The following RAB23 variants were observed in gnomAD, a reference collection of about 807,000 sequenced individuals.
RAB23 encodes ras-related protein Rab-23.
Under a neutral mutation model 30.0 loss-of-function variants are expected in RAB23, and 15 were observed. That is an observed-to-expected ratio of 0.50 (90% CI 0.33 to 0.77). The LOEUF (loss-of-function observed/expected upper bound fraction) is 0.77. RAB23 is among the 30% of genes least tolerant of loss of function. The pLI is 0.02. For synonymous variants in RAB23, 93 were observed against 94.0 expected, an observed-to-expected ratio of 0.99 and a Z score of 0.06; for missense variants, 243 against 275.4, an observed-to-expected ratio of 0.88 and a Z score of 0.83.
intron 1 of RAB23, among the ~76,000 whole-genome samples, chr6:57,217,468 T>C (rs1283681678): frequency 1.3e-5 from 2 of 152,110 alleles, no homozygotes; most frequent in South Asian, 4.2e-4. Flanking sequence ...ATCACCATGC[T>C]GGGCTAATTT....
At chr6:57,191,710 G>A (rs758250679) in intron 6 of RAB23, among the ~76,000 whole-genome samples, 1 of 152,124 alleles carries the variant, frequency 6.6e-6, no homozygotes, top group African/African-American at 2.4e-5. Context: ...TGGGATTAGA[G>A]GTGTGCTAGG....
chr6:57,204,971 T>C (rs1443716341), intron 3 of RAB23, among the ~76,000 whole-genome samples: 1 of 151,748 alleles, frequency 6.6e-6, no homozygotes, highest in Non-Finnish European at 1.5e-5. Flanking sequence ...TATATACACA[T>C]ACACATACAT....
chr6:57,219,886 A>G (rs930646453), intron 1 of RAB23, among the ~76,000 whole-genome samples: 2 of 152,230 alleles, frequency 1.3e-5, no homozygotes, highest in Non-Finnish European at 2.9e-5. Flanking sequence ...GTTTTTAGAC[A>G]TGACACCAGA....
At chr6:57,211,797 A>G (rs1451194305) in intron 1 of RAB23, among the ~76,000 whole-genome samples, 2 of 152,240 alleles carry the variant, frequency 1.3e-5, no homozygotes, top group East Asian at 1.9e-4. Context: ...AAAAGAACAG[A>G]AAGTCAATTT....
chr6:57,198,159 G>C (rs1765098008), intron 3 of RAB23, among the ~76,000 whole-genome samples: 1 of 152,054 alleles, frequency 6.6e-6, no homozygotes, highest in Non-Finnish European at 1.5e-5. Flanking sequence ...GACCTTCTCA[G>C]AATTTAAGGG....
At chr6:57,212,955 G>A (rs960829730) in intron 1 of RAB23, among the ~76,000 whole-genome samples, 1 of 151,938 alleles carries the variant, frequency 6.6e-6, no homozygotes, top group African/African-American at 2.4e-5. Context: ...ACGATCAGAT[G>A]GTCTAGGGCA....
At position 57,190,394 on chromosome 6, in the gene RAB23, A is replaced by G. The variant is rs1234310445; in HGVS notation, c.*67T>C. 4 of 1,575,626 alleles carry G rather than the reference A, an allele frequency of 2.5e-6. No homozygotes were observed. Among genetic ancestry groups the G allele is most frequent in the Non-Finnish European group, 3.5e-6 (4 of 1,147,034 alleles). On this transcript the variant is annotated 3_prime_UTR_variant, in exon 7 of 7. Transcript: ENST00000468148. ...TCTGCTGAAAACCTTGTAACATACC[A>G]TGACAGCTGGATGGGTTTCTTAATG...
Position 57,210,113 on chromosome 6 carries a change from G to A in RAB23, c.155+113C>T, listed in dbSNP as rs9357941. The A allele has an allele frequency of 0.054, 59,593 of 1,108,940 alleles. 1,966 individuals are homozygous for A. Among genetic ancestry groups the A allele is most frequent in the African/African-American group, 0.088 (5,683 of 64,478 alleles). The allele number at this position is 1,108,940 out of a possible 1,614,324, so 68.7% of individuals were successfully genotyped here. ...CCACCATCACTGTCGCATGAGCATT[G>A]CCACTAGTTGCCACACCTCGAAATC... On this transcript the variant is annotated intron_variant, in intron 2 of 6. Coordinates refer to ENST00000468148, the MANE Select transcript of RAB23 (RefSeq NM_016277.5).
At chr6:57,193,761 A>G (rs1355492086) in intron 6 of RAB23, 81 bp downstream of exon 6, 8 of 1,531,024 alleles carry the variant, frequency 5.2e-6, no homozygotes, top group Non-Finnish European at 7.1e-6. Context: ...TTTAAATCAC[A>G]TTTCTGAAAG....
chr6:57,197,250 A>G (rs543611584), intron 3 of RAB23, among the ~76,000 whole-genome samples: 1 of 152,224 alleles, frequency 6.6e-6, no homozygotes, highest in African/African-American at 2.4e-5. Flanking sequence ...GGGTTGGGGG[A>G]AACTTAGTTT....
chr6:57,216,845 T>C (rs926236881), intron 1 of RAB23, among the ~76,000 whole-genome samples: 1 of 152,186 alleles, frequency 6.6e-6, no homozygotes, highest in African/African-American at 2.4e-5. Flanking sequence ...GCGGCATTTA[T>C]AAATTGTCAC....
intron 4 of RAB23, among the ~76,000 whole-genome samples, chr6:57,195,358 T>C (rs1045045997): frequency 8.5e-5 from 13 of 152,194 alleles, no homozygotes; most frequent in Non-Finnish European, 7.4e-5. Flanking sequence ...CATCTCCAAA[T>C]TGTACTCCTA....
chr6:57,187,836 C>T lies in RAB23; in HGVS notation c.*2625G>A, dbSNP rs974963913. 11 of 151,974 alleles carry T rather than the reference C, an allele frequency of 7.2e-5. No homozygotes were observed. The highest frequency in any genetic ancestry group is 2.7e-4 in the African/African-American group (11 of 41,372). The allele number at this position is 151,974 out of a possible 1,614,324, so 9.4% of individuals were successfully genotyped here. ...TCCATAATGAGGAAAAAGTTTTCAT[C>T]CTCTTTTTGGTAGTTTTAGCTTTAT... is the stretch of plus-strand genomic sequence containing the variant. On this transcript the variant is annotated 3_prime_UTR_variant, in exon 7 of 7. Transcript: ENST00000468148.
chr6:57,196,467 A>T lies in RAB23; in HGVS notation c.381T>A (p.Asp127Glu). 9 of 1,614,020 alleles carry T rather than the reference A, an allele frequency of 5.6e-6. No individual in the cohort carries two copies. Among genetic ancestry groups the T allele is most frequent in the Non-Finnish European group, 7.6e-6 (9 of 1,179,930 alleles). The stretch of plus-strand genomic sequence containing the variant: ...CATCTTACTTCTTTATACAAGAATC[A>T]TCCAGAAGATCAATCTTGTTTTGCA... Reference protein sequence around the residue: ...VLVQNKIDLLDDSCIKNEEAE... With the variant: ...VLVQNKIDLLEDSCIKNEEAE... The change falls in exon 4 of 7, where the codon GAT becomes GAA. Residue 127 changes from aspartate (D) to glutamate (E), a missense_variant. Asp to Glu is a conservative substitution (Grantham distance 45, BLOSUM62 2). Coordinates refer to ENST00000468148, the MANE Select transcript of RAB23 (RefSeq NM_016277.5).
Position 57,210,217 on chromosome 6 carries a change from A to G in RAB23, c.155+9T>C. 2 of 1,612,900 alleles carry G rather than the reference A, an allele frequency of 1.2e-6. 1 individual carries two copies. Among genetic ancestry groups the G allele is most frequent in the South Asian group, 2.2e-5 (2 of 91,064 alleles). On this transcript the variant is annotated intron_variant, in intron 2 of 6. Coordinates refer to ENST00000468148, the MANE Select transcript of RAB23 (RefSeq NM_016277.5). ...CAAAGCCAAAGGAATAAAATGGCCAAGTACTTACTGAATTTGTCGCTCCAA... is the reference window on the plus strand; with the variant it reads ...CAAAGCCAAAGGAATAAAATGGCCAGGTACTTACTGAATTTGTCGCTCCAA...
In RAB23 at chr6:57,196,507, A is replaced by G. The variant is rs1412940584; in HGVS notation, c.341T>C (p.Ile114Thr). Reference sequence around the variant, plus strand: ...CTTGTTTTGCACAAGTACAGTTGGTATATCTCCCACTTCGGCTACTACTTT... The same window carrying G: ...CTTGTTTTGCACAAGTACAGTTGGTGTATCTCCCACTTCGGCTACTACTTT... ...REKVVAEVGD[I>T]PTVLVQNKID... Residue 114 changes from isoleucine (I) to threonine (T), a missense_variant, in exon 4 of 7, where the codon ATA becomes ACA. Physicochemically the swap from Ile to Thr is moderately conservative, Grantham distance 89 (BLOSUM62 -1). Coordinates refer to ENST00000468148, the MANE Select transcript of RAB23 (RefSeq NM_016277.5). 1.1e-5 allele frequency: 18 copies of G among 1,613,920 alleles called. No individual in the cohort carries two copies. Among genetic ancestry groups the G allele is most frequent in the Middle Eastern group, 1.6e-4 (1 of 6,080 alleles).
rs1765601055 is a variant in RAB23 at position 57,210,212 on chromosome 6, G to A, written c.155+14C>T. 6.2e-7 allele frequency: 1 copy of A among 1,611,308 alleles called. No homozygotes were observed. Among genetic ancestry groups the A allele is most frequent in the South Asian group, 1.1e-5 (1 of 91,022 alleles). On this transcript the variant is annotated intron_variant, in intron 2 of 6. Coordinates refer to ENST00000468148, the MANE Select transcript of RAB23 (RefSeq NM_016277.5). ...CAAATCAAAGCCAAAGGAATAAAAT[G>A]GCCAAGTACTTACTGAATTTGTCGC...
Position 57,186,997 on chromosome 6 carries a change from G to A in RAB23, c.*3464C>T, listed in dbSNP as rs1330459964. 6.6e-6 allele frequency: 1 copy of A among 151,982 alleles called. No homozygotes were observed. The highest frequency in any genetic ancestry group is 1.5e-5 in the Non-Finnish European group (1 of 67,978). The allele number at this position is 151,982 out of a possible 1,614,324, so 9.4% of individuals were successfully genotyped here. A position where few individuals can be genotyped will look rare whatever the true frequency, so the allele number is the denominator to read the frequency against. ...ATCATACATATCACACAAAATTTTA[G>A]CTTTGAAATGCATTTATTTTCTGAT... On this transcript the variant is annotated 3_prime_UTR_variant, in exon 7 of 7. Transcript: ENST00000468148.
intron 3 of RAB23, among the ~76,000 whole-genome samples, chr6:57,201,151 T>C (rs1000214951): frequency 2.6e-5 from 4 of 151,674 alleles, no homozygotes; most frequent in African/African-American, 9.7e-5. Context: ...TGGCATGATC[T>C]TGGCTCACGG....
Sources: allele counts gnomAD v4.1 joint callset (sites outside exome capture counted in the v4.1 genomes callset), GRCh38; gene constraint gnomAD v4.1.1; transcripts MANE v1.5; gene names NCBI Gene and HGNC (gene_info 2026-07-23, HGNC 2026-07-21).